DCAF8L2: variants seen among roughly 807,000 people sequenced by gnomAD.
The protein encoded by DCAF8L2 is DDB1 and CUL4 associated factor 8 like 2.
For missense variants in DCAF8L2, 430 were observed against 490.7 expected (o/e 0.88, Z 1.17); for synonymous variants, 200 against 190.9 (o/e 1.05, Z -0.39).
rs1319121489 is a variant in DCAF8L2 at position 27,748,768 on chromosome X, C to T, written c.1873C>T (p.Arg625Ter). Reference protein sequence around the residue: ...SETSEEEVQDRVQCMPS With the variant: ...SETSEEEVQD ...GACATCTGAGGAGGAGGTCCAAGAC[C>T]GAGTGCAGTGCATGCCATCCTGAAG... The change falls in exon 5 of 5, where the codon CGA becomes TGA. Residue 625 changes from arginine to a stop codon, truncating the protein, a stop_gained. Transcript: ENST00000451261. LOFTEE classifies it high-confidence loss of function. 4 of 1,203,663 alleles carry T rather than the reference C, an allele frequency of 3.3e-6. No individual in the cohort carries two copies. The highest frequency in any genetic ancestry group is 3.0e-5 in the East Asian group (1 of 33,721).
At chrX:27,680,644 C>T (rs1299091686) in intron 3 of DCAF8L2, among the ~76,000 whole-genome samples, 1 of 110,626 alleles carries the variant, frequency 9.0e-6, no homozygotes, top group Non-Finnish European at 1.9e-5. Context: ...TTCTCTGAAA[C>T]TGGAAAGTAT....
the DCAF8L2 span, among the ~76,000 whole-genome samples, chrX:27,488,517 CTGTGTG>C: frequency 6.2e-3 from 497 of 80,471 alleles, 4 homozygotes; most frequent in African/African-American, 0.015. Flanking sequence ...AAAATTACCT[CTGTGTG>C]TGTGTGTGTG....
At chrX:27,471,130 A>G in the DCAF8L2 span, among the ~76,000 whole-genome samples, 2 of 111,933 alleles carry the variant, frequency 1.8e-5, no homozygotes, top group Non-Finnish European at 1.9e-5. Context: ...TCATCTACTA[A>G]GTTTTTAAAA....
the DCAF8L2 span, among the ~76,000 whole-genome samples, chrX:27,541,226 G>A: frequency 2.4e-4 from 27 of 112,168 alleles, no homozygotes; most frequent in Middle Eastern, 0.023. Flanking sequence ...GGACAGCCAT[G>A]TAGAAATATG....
chrX:27,605,523 GA>G (rs1291617438), intron 1 of DCAF8L2, among the ~76,000 whole-genome samples: 3 of 111,333 alleles, frequency 2.7e-5, no homozygotes, highest in African/African-American at 9.8e-5. Context: ...TTTATGGGAA[GA>G]TGTGCTTCAC....
chrX:27,561,637 G>T, the DCAF8L2 span, among the ~76,000 whole-genome samples: 1 of 111,197 alleles, frequency 9.0e-6, no homozygotes, highest in African/African-American at 3.3e-5. Flanking sequence ...CTATCTCTAT[G>T]AATATATCTG....
intron 4 of DCAF8L2, among the ~76,000 whole-genome samples, chrX:27,735,525 T>C (rs1921472895): frequency 8.9e-6 from 1 of 112,435 alleles, no homozygotes; most frequent in Non-Finnish European, 1.9e-5. Flanking sequence ...TGTGAACTAC[T>C]AAAATCCATA....
the DCAF8L2 span, chrX:27,517,828 CT>C: frequency 1.6e-5 from 17 of 1,083,139 alleles, no homozygotes; most frequent in Non-Finnish European, 2.2e-5. Context: ...GTCGCAGAGT[CT>C]TGTACTTATC....
At chrX:27,693,586 T>C (rs932856235) in intron 3 of DCAF8L2, among the ~76,000 whole-genome samples, 1 of 111,599 alleles carries the variant, frequency 9.0e-6, no homozygotes, top group Non-Finnish European at 1.9e-5. Flanking sequence ...CTTTTTCAGA[T>C]GTGTTTATGC....
Position 27,631,871 on chromosome X carries a change from T to C in DCAF8L2, c.-341-8T>C, listed in dbSNP as rs1468008499. On this transcript the variant is annotated splice_region_variant and splice_polypyrimidine_tract_variant and intron_variant, in intron 1 of 4. Coordinates refer to ENST00000451261, the MANE Select transcript of DCAF8L2 (RefSeq NM_001353450.2). ...CCCTCTCAGAACTACTTTTTCTCTGTCCCACAGGTTTTGGTATACTGAGCC... is the reference window on the plus strand; with the variant it reads ...CCCTCTCAGAACTACTTTTTCTCTGCCCCACAGGTTTTGGTATACTGAGCC... 6.3e-5 allele frequency: 7 copies of C among 111,978 alleles called. No homozygotes were observed. The highest frequency in any genetic ancestry group is 1.3e-4 in the Non-Finnish European group (7 of 53,231). 9.2% of individuals were successfully genotyped at this position (111,978 alleles called of 1,213,427 possible).
chrX:27,480,307 C>T, the DCAF8L2 span, among the ~76,000 whole-genome samples: 4 of 112,195 alleles, frequency 3.6e-5, no homozygotes, highest in Non-Finnish European at 5.6e-5. Flanking sequence ...TGCTTGGAAG[C>T]ATATAAGTGG....
chrX:27,596,544 C>A (rs1926366275), intron 1 of DCAF8L2, among the ~76,000 whole-genome samples: 1 of 111,440 alleles, frequency 9.0e-6, no homozygotes, highest in South Asian at 3.7e-4. Flanking sequence ...TCTGTTTTAG[C>A]AATTACATTG....
chrX:27,629,973 A>T (rs989147974), intron 1 of DCAF8L2, among the ~76,000 whole-genome samples: 1 of 111,283 alleles, frequency 9.0e-6, no homozygotes, highest in Non-Finnish European at 1.9e-5. Context: ...TTTCCTGTAA[A>T]TTTTTTTTAT....
the DCAF8L2 span, among the ~76,000 whole-genome samples, chrX:27,561,011 G>A: frequency 8.9e-6 from 1 of 112,246 alleles, no homozygotes. Flanking sequence ...AGCCTTTTAT[G>A]TCACAAAATA....
chrX:27,658,005 G>C (rs1042649464), intron 2 of DCAF8L2, among the ~76,000 whole-genome samples: 1 of 112,334 alleles, frequency 8.9e-6, no homozygotes, highest in Non-Finnish European at 1.9e-5. Context: ...CCCCTAATCC[G>C]TGCATTTTTT....
chrX:27,711,373 CTA>C (rs758454236), intron 3 of DCAF8L2, among the ~76,000 whole-genome samples: 162 of 100,232 alleles, frequency 1.6e-3, no homozygotes, highest in Non-Finnish European at 2.0e-3. Flanking sequence ...TTTCCTACAT[CTA>C]TATGTGTGTG....
chrX:27,718,247 A>G (rs1931768578), intron 4 of DCAF8L2, among the ~76,000 whole-genome samples: 1 of 111,785 alleles, frequency 8.9e-6, no homozygotes, highest in Admixed American at 9.5e-5. Flanking sequence ...CCTTTTCTAG[A>G]ATTTCATACA....
intron 3 of DCAF8L2, among the ~76,000 whole-genome samples, chrX:27,695,800 T>TTTTCAAA (rs1427706024): frequency 1.8e-5 from 2 of 111,556 alleles, no homozygotes; most frequent in Non-Finnish European, 3.8e-5. Flanking sequence ...TAGGAACTAT[T>TTTTCAAA]TTTCAAATTT....
At chrX:27,533,783 GA>G in the DCAF8L2 span, among the ~76,000 whole-genome samples, 1 of 112,562 alleles carries the variant, frequency 8.9e-6, no homozygotes, top group African/African-American at 3.2e-5. Flanking sequence ...GGAAATGCGT[GA>G]GACAGAACAA....
Sources: allele counts gnomAD v4.1 joint callset (sites outside exome capture counted in the v4.1 genomes callset), GRCh38; gene constraint gnomAD v4.1.1; transcripts MANE v1.5; gene names NCBI Gene and HGNC (gene_info 2026-07-23, HGNC 2026-07-21).